The following MEIS2 variants were observed in gnomAD, a reference collection of about 807,000 sequenced individuals.
MEIS2 encodes the protein Meis homeobox 2, also known as homeobox protein Meis2.
MEIS2 carries 9 observed loss-of-function variants against 58.6 expected under a neutral mutation model. The observed-to-expected ratio is 0.15, with a 90% CI of 0.09 to 0.27. The LOEUF is 0.27. MEIS2 is among the 10% of genes least tolerant of loss of function. MEIS2 has a pLI of 1.00. For synonymous variants in MEIS2, 221 were observed against 228.4 expected (o/e 0.97, Z 0.29); for missense variants, 427 against 635.0 (o/e 0.67, Z 3.52).
chr15:37,004,510 G>C (rs907478149), intron 8 of MEIS2, among the ~76,000 whole-genome samples: 1 of 152,176 alleles, frequency 6.6e-6, no homozygotes, highest in Non-Finnish European at 1.5e-5. Flanking sequence ...CAGAATAATA[G>C]AACTGGAAAT....
At chr15:36,940,999 GCCATTCTATT>G (rs2058354439) in intron 9 of MEIS2, among the ~76,000 whole-genome samples, 1 of 152,038 alleles carries the variant, frequency 6.6e-6, no homozygotes, top group African/African-American at 2.4e-5. Flanking sequence ...TATGACTTTT[GCCATTCTATT>G]CCACAGGCAG....
intron 7 of MEIS2, among the ~76,000 whole-genome samples, chr15:37,046,916 G>C (rs1292055721): frequency 6.6e-6 from 1 of 151,640 alleles, no homozygotes; most frequent in Non-Finnish European, 1.5e-5. Flanking sequence ...AAATATTTAA[G>C]AAAGGATCTC....
intron 7 of MEIS2, among the ~76,000 whole-genome samples, chr15:37,040,048 T>G (rs1485678403): frequency 3.9e-5 from 2 of 51,288 alleles, no homozygotes; most frequent in Non-Finnish European, 9.2e-5. Context: ...GATATTGGTG[T>G]TTTTTTTTTT....
intron 8 of MEIS2, among the ~76,000 whole-genome samples, chr15:37,028,352 C>T (rs1197273103): frequency 6.6e-6 from 1 of 152,182 alleles, no homozygotes; most frequent in Non-Finnish European, 1.5e-5. Context: ...TGCTGAATCC[C>T]AAACACATCA....
At chr15:37,066,162 A>C (rs554110648) in intron 7 of MEIS2, 7 of 152,294 alleles carry the variant, frequency 4.6e-5, no homozygotes, top group Admixed American at 2.6e-4. Context: ...AAATAAAAAA[A>C]ATTGGTTTTT....
rs886375568 is a variant in MEIS2 at position 37,068,741 on chromosome 15, CT to C, written c.754+15029del. ...GAAAGAGGTCAGGTTTAAGTAAAAT[CT>C]TTTTTTTTTAGGAGTTACCTCCATG... is the stretch of plus-strand genomic sequence containing the variant. On this transcript the variant is annotated intron_variant, in intron 7 of 11. Coordinates refer to ENST00000561208, the MANE Select transcript of MEIS2 (RefSeq NM_170675.5). 4.5e-4 allele frequency among the ~76,000 whole-genome samples: 67 copies of C among 148,382 alleles called. 2 individuals carry two copies. The highest frequency in any genetic ancestry group is 3.7e-3 in the Admixed American group (55 of 14,802).
At chr15:37,076,463 T>C (rs199649651) in intron 7 of MEIS2, among the ~76,000 whole-genome samples, 1 of 151,966 alleles carries the variant, frequency 6.6e-6, no homozygotes, top group Non-Finnish European at 1.5e-5. Flanking sequence ...TGCCCTATAA[T>C]AGCCTTAAGA....
At chr15:36,963,397 A>G (rs920016495) in intron 8 of MEIS2, among the ~76,000 whole-genome samples, 2 of 148,682 alleles carry the variant, frequency 1.3e-5, no homozygotes, top group South Asian at 2.1e-4. Context: ...AAAAAAAAAG[A>G]GTGAAACTTG....
At chr15:36,930,220 AG>A (rs1472577073) in intron 9 of MEIS2, among the ~76,000 whole-genome samples, 13 of 133,950 alleles carry the variant, frequency 9.7e-5, no homozygotes, top group African/African-American at 2.8e-4. Flanking sequence ...AAAAAAAAAA[AG>A]AGAGAGAGAG....
intron 9 of MEIS2, among the ~76,000 whole-genome samples, chr15:36,914,220 T>C (rs1027007035): frequency 2.0e-5 from 3 of 152,172 alleles, no homozygotes; most frequent in Admixed American, 6.5e-5. Flanking sequence ...CAAAGGAAGA[T>C]GGAGAAGCGT....
chr15:37,003,657 C>G (rs1191596743), intron 8 of MEIS2, among the ~76,000 whole-genome samples: 5 of 152,138 alleles, frequency 3.3e-5, no homozygotes, highest in African/African-American at 1.2e-4. Context: ...AAATATTGTT[C>G]CCCATGATAC....
chr15:36,978,359 A>G (rs2141495657), intron 8 of MEIS2, among the ~76,000 whole-genome samples: 1 of 152,338 alleles, frequency 6.6e-6, no homozygotes, highest in Admixed American at 6.5e-5. Context: ...CTGAGGTAAC[A>G]CTGTCAGTAG....
chr15:36,995,978 T>TAC (rs1567159760), intron 8 of MEIS2, among the ~76,000 whole-genome samples: 5 of 40,672 alleles, frequency 1.2e-4, no homozygotes, highest in East Asian at 7.6e-4. Flanking sequence ...TATATATATA[T>TAC]ATATATATAT....
intron 8 of MEIS2, among the ~76,000 whole-genome samples, chr15:37,005,357 G>T (rs2060879774): frequency 6.6e-6 from 1 of 152,190 alleles, no homozygotes; most frequent in Non-Finnish European, 1.5e-5. Context: ...GGAGTCAGTT[G>T]CTCAGTTGAC....
At chr15:36,900,361 T>C (rs892318357) in intron 9 of MEIS2, among the ~76,000 whole-genome samples, 1 of 152,172 alleles carries the variant, frequency 6.6e-6, no homozygotes, top group African/African-American at 2.4e-5. Flanking sequence ...GAGCCCTAGT[T>C]CCATTGATTT....
At position 36,892,176 on chromosome 15, in the gene MEIS2, T is replaced by C. The variant is rs919618557; in HGVS notation, c.1431A>G (p.Gln477=). 87 of 1,614,032 alleles carry C rather than the reference T, an allele frequency of 5.4e-5. No individual in the cohort carries two copies. The highest frequency in any genetic ancestry group is 6.9e-5 in the Non-Finnish European group (82 of 1,179,970). The stretch of plus-strand genomic sequence containing the variant: ...TTTTCCCTTGAGTTCCCTTATACTA[T>C]TGGGCATGAATGTCCATAACCTGTC... ...VGGQVMDIHA[Q] Residue 477 remains glutamine (Q), a synonymous_variant, in exon 12 of 12, where the codon CAA becomes CAG. Coordinates refer to ENST00000561208, the MANE Select transcript of MEIS2 (RefSeq NM_170675.5).
In MEIS2 at chr15:37,098,262, G is replaced by A. The variant is rs1038979776; in HGVS notation, c.13-63C>T. 11 of 1,470,216 alleles carry A rather than the reference G, an allele frequency of 7.5e-6. No individual in the cohort carries two copies. In the Admixed American group the frequency reaches 1.5e-4, roughly 19 times the overall value. 91.1% of individuals were successfully genotyped at this position (1,470,216 alleles called of 1,614,324 possible). The stretch of plus-strand genomic sequence containing the variant: ...TGAGGGAGAACAGAGGAGGGGGGTG[G>A]AAAGGGAAAAAGAGCAGGGAGAAGA... On this transcript the variant is annotated intron_variant, in intron 1 of 11. Coordinates refer to ENST00000561208, the MANE Select transcript of MEIS2 (RefSeq NM_170675.5).
intron 9 of MEIS2, among the ~76,000 whole-genome samples, chr15:36,912,046 A>G (rs1187749758): frequency 1.5e-5 from 2 of 133,142 alleles, no homozygotes; most frequent in Non-Finnish European, 3.6e-5. Context: ...TGGCTATATA[A>G]GCCCTAGGGG....
chr15:36,999,734 T>C (rs2060653747), intron 8 of MEIS2, among the ~76,000 whole-genome samples: 1 of 152,196 alleles, frequency 6.6e-6, no homozygotes, highest in South Asian at 2.1e-4. Flanking sequence ...CTGATCAAAG[T>C]GAAATTTGAA....
Sources: gnomAD v4.1 joint callset for allele counts (sites outside exome capture counted in the v4.1 genomes callset) on GRCh38, gnomAD v4.1.1 for gene constraint, MANE v1.5 for transcripts, NCBI Gene and HGNC (gene_info 2026-07-23, HGNC 2026-07-21) for gene names.